MACROD2: variants seen among roughly 807,000 people sequenced by gnomAD.
The protein encoded by MACROD2 is mono-ADP ribosylhydrolase 2, also known as ADP-ribose glycohydrolase MACROD2.
MACROD2 carries 36 observed loss-of-function variants against 70.4 expected under a neutral mutation model. The ratio of observed to expected loss-of-function variants is 0.51; its 90% CI spans 0.39 to 0.68. The LOEUF (loss-of-function observed/expected upper bound fraction) is 0.68, where lower values mean the gene tolerates loss of function less well. MACROD2 is among the 30% of genes least tolerant of loss of function. The pLI, the probability that MACROD2 is intolerant of heterozygous loss-of-function variation, is 0.00. For missense variants in MACROD2, 496 were observed against 538.4 expected, an observed-to-expected ratio of 0.92 and a Z score of 0.78; for synonymous variants, 172 against 178.8, an observed-to-expected ratio of 0.96 and a Z score of 0.30.
At chr20:15,260,528 T>C (rs2077240051) in intron 6 of MACROD2, among the ~76,000 whole-genome samples, 1 of 151,998 alleles carries the variant, frequency 6.6e-6, no homozygotes, top group African/African-American at 2.4e-5. Flanking sequence ...TATTCAACTG[T>C]TAAAAGACAC....
At chr20:14,885,526 A>C (rs375887712) in intron 5 of MACROD2, among the ~76,000 whole-genome samples, 2 of 152,062 alleles carry the variant, frequency 1.3e-5, no homozygotes, top group African/African-American at 4.8e-5. Context: ...TTTTATTTTT[A>C]GTTAGAAAGA....
chr20:14,113,056 T>G lies in MACROD2; in HGVS notation c.271+27328T>G, dbSNP rs538352750. On this transcript the variant is annotated intron_variant, in intron 3 of 17. Coordinates refer to ENST00000684519, the MANE Select transcript of MACROD2 (RefSeq NM_001351661.2). ...TTTGAATAATAATGGTTTATTAAAC[T>G]TGGTGTTGTGTAAAGGAAGATTTGG... is the stretch of plus-strand genomic sequence containing the variant. Among the ~76,000 whole-genome samples the G allele has an allele frequency of 4.6e-5, 7 of 152,110 alleles. 1 individual carries two copies. The highest frequency in any genetic ancestry group is 3.9e-4 in the Admixed American group (6 of 15,260).
chr20:15,960,227 G>A (rs1201136216), intron 12 of MACROD2, among the ~76,000 whole-genome samples: 2 of 152,308 alleles, frequency 1.3e-5, no homozygotes, highest in Non-Finnish European at 2.9e-5. Context: ...TGTCTGCTTA[G>A]GGCCTATTAC....
At chr20:15,282,127 G>A (rs570297312) in intron 6 of MACROD2, among the ~76,000 whole-genome samples, 3 of 152,322 alleles carry the variant, frequency 2.0e-5, no homozygotes, top group Admixed American at 2.0e-4. Flanking sequence ...ATTGCACAAA[G>A]CAGCAAGGCC....
intron 3 of MACROD2, among the ~76,000 whole-genome samples, chr20:14,165,676 A>G (rs2055257471): frequency 6.6e-6 from 1 of 152,206 alleles, no homozygotes; most frequent in African/African-American, 2.4e-5. Context: ...ATTAAAGACA[A>G]CAATGCCTTG....
Position 15,772,096 on chromosome 20 carries a change from AAAAAAATAT to A in MACROD2, c.646-90647_646-90639del, listed in dbSNP as rs1226853077. Among the ~76,000 whole-genome samples the A allele has an allele frequency of 1.4e-3, 139 of 101,404 alleles. 1 individual carries two copies. Among genetic ancestry groups the A allele is most frequent in the African/African-American group, 6.8e-3 (137 of 20,268 alleles). The allele number at this position is 101,404 out of a possible 152,430, so 66.5% of individuals were successfully genotyped here. ...TGAGACTCGGTCTCAAAAAAAAAAA[AAAAAAATAT>A]ATATATATATATATATATATATATT... On this transcript the variant is annotated intron_variant, in intron 8 of 17. Coordinates refer to ENST00000684519, the MANE Select transcript of MACROD2 (RefSeq NM_001351661.2).
At chr20:14,875,119 A>G (rs982556393) in intron 5 of MACROD2, among the ~76,000 whole-genome samples, 21 of 152,100 alleles carry the variant, frequency 1.4e-4, no homozygotes, top group Non-Finnish European at 2.6e-4. Context: ...GCAGTGGCTC[A>G]TGCCTGTAAT....
At chr20:14,443,283 G>A (rs2084146067) in intron 3 of MACROD2, among the ~76,000 whole-genome samples, 1 of 150,980 alleles carries the variant, frequency 6.6e-6, no homozygotes, top group South Asian at 2.1e-4. Flanking sequence ...AGAGGGTATA[G>A]GGTGTATTAC....
intron 3 of MACROD2, among the ~76,000 whole-genome samples, chr20:14,338,784 A>C (rs905298517): frequency 6.6e-6 from 1 of 152,204 alleles, no homozygotes; most frequent in Admixed American, 6.5e-5. Flanking sequence ...ATAAATTTCT[A>C]TGCCTAATTA....
intron 6 of MACROD2, among the ~76,000 whole-genome samples, chr20:15,427,012 CTCTG>C (rs961973557): frequency 5.4e-4 from 79 of 145,348 alleles, no homozygotes; most frequent in African/African-American, 1.9e-3. Context: ...CCCTGTCTCT[CTCTG>C]TCTGTCTGTC....
chr20:14,985,224 G>T (rs1403762871), intron 5 of MACROD2, among the ~76,000 whole-genome samples: 1 of 152,128 alleles, frequency 6.6e-6, no homozygotes, highest in African/African-American at 2.4e-5. Context: ...TGCATTTTGA[G>T]CTCCTGACTT....
intron 5 of MACROD2, among the ~76,000 whole-genome samples, chr20:14,879,019 G>A (rs541280922): frequency 2.0e-5 from 3 of 152,114 alleles, no homozygotes; most frequent in African/African-American, 7.2e-5. Context: ...TCTTCTCTCT[G>A]ATTATCACAT....
chr20:14,489,476 T>C (rs2084770019), intron 3 of MACROD2, among the ~76,000 whole-genome samples: 1 of 152,194 alleles, frequency 6.6e-6, no homozygotes, highest in East Asian at 1.9e-4. Flanking sequence ...TTCTGAAAGG[T>C]GGTATTTCAG....
intron 4 of MACROD2, chr20:14,628,856 A>G (rs1984343891): frequency 6.6e-6 from 1 of 152,182 alleles, no homozygotes; most frequent in South Asian, 2.1e-4. Flanking sequence ...AGAAGATACT[A>G]TTTAGTGTGG....
At position 14,031,490 on chromosome 20, in the gene MACROD2, G is replaced by A. The variant is rs960067334; in HGVS notation, c.163+29086G>A. Among the ~76,000 whole-genome samples the A allele has an allele frequency of 3.3e-5, 5 of 152,028 alleles. No homozygotes were observed. The East Asian group carries it at 9.6e-4, about 29-fold the overall frequency. The stretch of plus-strand genomic sequence containing the variant: ...AGTAAAAAGTAACTTTCCCTTAAAT[G>A]TTGGTTGTATTAATTACAAATACTT... On this transcript the variant is annotated intron_variant, in intron 2 of 17. Coordinates refer to ENST00000684519, the MANE Select transcript of MACROD2 (RefSeq NM_001351661.2).
intron 5 of MACROD2, among the ~76,000 whole-genome samples, chr20:15,106,416 A>G (rs947459674): frequency 6.6e-6 from 1 of 152,182 alleles, no homozygotes; most frequent in African/African-American, 2.4e-5. Flanking sequence ...GTGAATACCT[A>G]TTCTGTATAA....
intron 8 of MACROD2, among the ~76,000 whole-genome samples, chr20:15,550,698 A>G (rs1359458386): frequency 6.6e-6 from 1 of 152,212 alleles, no homozygotes; most frequent in East Asian, 1.9e-4. Flanking sequence ...CATTATATTG[A>G]TGGCTGCAAA....
At chr20:15,931,720 G>A (rs911615880) in intron 10 of MACROD2, among the ~76,000 whole-genome samples, 1 of 151,490 alleles carries the variant, frequency 6.6e-6, no homozygotes, top group Admixed American at 6.6e-5. Context: ...AGGGGGTCCT[G>A]TACGTATATT....
intron 5 of MACROD2, among the ~76,000 whole-genome samples, chr20:15,100,492 C>G (rs1003493141): frequency 2.6e-5 from 4 of 152,068 alleles, no homozygotes; most frequent in Admixed American, 6.6e-5. Context: ...AACTGAAGTC[C>G]CTGTACAGTT....
Sources: gnomAD v4.1 joint callset for allele counts (sites outside exome capture counted in the v4.1 genomes callset) on GRCh38, gnomAD v4.1.1 for gene constraint, MANE v1.5 for transcripts, NCBI Gene and HGNC (gene_info 2026-07-23, HGNC 2026-07-21) for gene names.